TMEM114: variants seen among roughly 807,000 people sequenced by gnomAD.
TMEM114 encodes claudin-26.
A neutral mutation model predicts 6.2 loss-of-function variants in TMEM114; 6 were observed. That is an observed-to-expected ratio of 0.97 (90% CI 0.53 to 1.91). TMEM114 has a LOEUF of 1.91. Among genes scored for constraint, TMEM114 ranks in the 40% most tolerant of loss-of-function variants. The pLI, the probability that TMEM114 is intolerant of heterozygous loss-of-function variation, is 0.01. For missense variants in TMEM114, 218 were observed against 158.3 expected (o/e 1.38, Z -2.02); for synonymous variants, 104 against 73.0 (o/e 1.42, Z -2.16).
chr16:8,528,830 T>C, the TMEM114 span, among the ~76,000 whole-genome samples: 1 of 152,258 alleles, frequency 6.6e-6, no homozygotes, highest in Non-Finnish European at 1.5e-5. Context: ...TGTGTGCTTC[T>C]GAAGACACTC....
At chr16:8,563,687 G>C (rs1365407379) in intron 2 of TMEM114, among the ~76,000 whole-genome samples, 3 of 150,780 alleles carry the variant, frequency 2.0e-5, no homozygotes, top group Non-Finnish European at 4.4e-5. Context: ...ATGAGTAAGT[G>C]AATGAGTGAG....
chr16:8,535,261 T>C (rs1900321358), downstream of TMEM114, among the ~76,000 whole-genome samples: 1 of 152,128 alleles, frequency 6.6e-6, no homozygotes, highest in African/African-American at 2.4e-5. Context: ...AAATATAAGG[T>C]GTTGATGGTT....
the TMEM114 span, among the ~76,000 whole-genome samples, chr16:8,530,746 G>T: frequency 0.018 from 2,775 of 152,030 alleles, 48 homozygotes; most frequent in African/African-American, 0.04. Flanking sequence ...AGGAGGGGCC[G>T]GGCATTGTGG....
intron 2 of TMEM114, among the ~76,000 whole-genome samples, chr16:8,541,477 C>T (rs896193151): frequency 3.7e-4 from 57 of 152,248 alleles, no homozygotes; most frequent in African/African-American, 8.9e-4. Flanking sequence ...AGAGACAATT[C>T]GTCTGACCAT....
chr16:8,549,845 T>C (rs1230662928), intron 2 of TMEM114, among the ~76,000 whole-genome samples: 1 of 152,122 alleles, frequency 6.6e-6, no homozygotes, highest in Admixed American at 6.5e-5. Flanking sequence ...TAAAAGGGAA[T>C]TTATTCAGGA....
intron 2 of TMEM114, among the ~76,000 whole-genome samples, chr16:8,543,175 C>T (rs186637388): frequency 7.4e-4 from 112 of 152,332 alleles, no homozygotes; most frequent in African/African-American, 2.5e-3. Context: ...ATCAGACAGA[C>T]TGACTACAGA....
intron 2 of TMEM114, among the ~76,000 whole-genome samples, chr16:8,555,716 G>A (rs1567199199): frequency 1.3e-5 from 2 of 152,090 alleles, no homozygotes; most frequent in Admixed American, 6.5e-5. Flanking sequence ...TGTCTTCCAG[G>A]GGACACCTGG....
Position 8,590,235 on chromosome 16 carries a change from A to C in TMEM114, c.-397T>G. 1 of 189,746 alleles carries C rather than the reference A, an allele frequency of 5.3e-6. No individual in the cohort carries two copies. The highest frequency in any genetic ancestry group is 1.3e-4 in the East Asian group (1 of 7,814). 11.8% of individuals were successfully genotyped at this position (189,746 alleles called of 1,614,324 possible). A position where few individuals can be genotyped will look rare whatever the true frequency, so the allele number is the denominator to read the frequency against. On this transcript the variant is annotated 5_prime_UTR_variant, in exon 1 of 4. Transcript: ENST00000620492. Reference sequence around the variant, plus strand: ...ACTCCACCCTCGGCCCTCCACGCCCAGCCCAAGCGGACTCTCTCACTTCAA... The same window carrying C: ...ACTCCACCCTCGGCCCTCCACGCCCCGCCCAAGCGGACTCTCTCACTTCAA...
intron 2 of TMEM114, among the ~76,000 whole-genome samples, chr16:8,555,056 C>T (rs1169311549): frequency 6.6e-6 from 1 of 152,240 alleles, no homozygotes; most frequent in Non-Finnish European, 1.5e-5. Context: ...TTTCCCTCCC[C>T]TCTCCTCCCA....
At chr16:8,567,353 A>G (rs553032118), downstream of TMEM114, among the ~76,000 whole-genome samples, 176 of 152,188 alleles carry the variant, frequency 1.2e-3, 1 homozygote, top group Non-Finnish European at 2.2e-3. Context: ...ATGTGTCCCC[A>G]GGCCCTGGAA....
At chr16:8,545,383 C>T (rs761695295) in intron 2 of TMEM114, among the ~76,000 whole-genome samples, 14 of 152,192 alleles carry the variant, frequency 9.2e-5, no homozygotes, top group Non-Finnish European at 1.9e-4. Context: ...TTGCAGTGAG[C>T]TGTAATCATA....
At chr16:8,531,995 G>A in the TMEM114 span, 2 of 152,184 alleles carry the variant, frequency 1.3e-5, no homozygotes, top group African/African-American at 4.8e-5. Context: ...CCTAGTATAA[G>A]TGAGGCACTG....
downstream of TMEM114, among the ~76,000 whole-genome samples, chr16:8,537,338 T>C (rs746573011): frequency 2.0e-5 from 3 of 151,712 alleles, no homozygotes; most frequent in Non-Finnish European, 4.4e-5. Context: ...CCGTCTCTAC[T>C]AAAAATACAA....
chr16:8,559,648 G>A (rs1901135739), intron 2 of TMEM114, among the ~76,000 whole-genome samples: 1 of 152,218 alleles, frequency 6.6e-6, no homozygotes, highest in South Asian at 2.1e-4. Context: ...GTTAAAAGAA[G>A]CATTTCATTG....
downstream of TMEM114, among the ~76,000 whole-genome samples, chr16:8,567,128 C>T (rs987801268): frequency 6.6e-6 from 1 of 150,598 alleles, no homozygotes; most frequent in African/African-American, 2.4e-5. Flanking sequence ...AGGCTAGTTT[C>T]GAACTCCTGA....
In TMEM114 at chr16:8,561,150, G is replaced by T. The variant is rs568197418; in HGVS notation, n.213-23324C>A. On this transcript the variant is annotated intron_variant and non_coding_transcript_variant, in intron 2 of 2. Transcript: ENST00000623677. Reference sequence around the variant, plus strand: ...GAACTGCAACTCAAGATGAGATTTGGGTGGGGACACAGCCAAACCATAACA... The same window carrying T: ...GAACTGCAACTCAAGATGAGATTTGTGTGGGGACACAGCCAAACCATAACA... Among the ~76,000 whole-genome samples the T allele has an allele frequency of 4.6e-5, 7 of 152,308 alleles. No homozygotes were observed. The East Asian group carries it at 1.4e-3, about 29-fold the overall frequency.
chr16:8,552,084 T>C (rs924377186), intron 2 of TMEM114, among the ~76,000 whole-genome samples: 1 of 151,778 alleles, frequency 6.6e-6, no homozygotes, highest in African/African-American at 2.4e-5. Flanking sequence ...AAACAAGGAC[T>C]ATAAGGGGGA....
the TMEM114 span, among the ~76,000 whole-genome samples, chr16:8,527,983 C>A: frequency 6.6e-6 from 1 of 152,180 alleles, no homozygotes; most frequent in African/African-American, 2.4e-5. Context: ...TCTCAGCTCA[C>A]TGCAACCTCT....
intron 2 of TMEM114, among the ~76,000 whole-genome samples, chr16:8,578,474 C>T (rs1334178825): frequency 6.6e-6 from 1 of 152,140 alleles, no homozygotes; most frequent in Non-Finnish European, 1.5e-5. Flanking sequence ...TAGGGCCCAC[C>T]AAGTTAGTCC....
Sources: allele counts gnomAD v4.1 joint callset (sites outside exome capture counted in the v4.1 genomes callset), GRCh38; gene constraint gnomAD v4.1.1; transcripts MANE v1.5; gene names NCBI Gene and HGNC (gene_info 2026-07-23, HGNC 2026-07-21).